The following GPR89B variants were observed in gnomAD, a reference collection of about 807,000 sequenced individuals.
GPR89B encodes golgi pH regulator B, also known as G protein-coupled receptor 89B.
GPR89B carries 25 observed loss-of-function variants against 52.4 expected under a neutral mutation model. That is an observed-to-expected ratio of 0.48 (90% CI 0.35 to 0.67). The LOEUF is 0.67. GPR89B is among the 30% of genes least tolerant of loss of function. The pLI is 0.01. For synonymous variants in GPR89B, 52 were observed against 151.2 expected, an observed-to-expected ratio of 0.34 and a Z score of 4.81; for missense variants, 146 against 450.2, an observed-to-expected ratio of 0.32 and a Z score of 6.11.
chr1:148,005,715 A>C, the GPR89B span, among the ~76,000 whole-genome samples: 1 of 152,104 alleles, frequency 6.6e-6, no homozygotes, highest in African/African-American at 2.4e-5. Context: ...ATTCTTGGCT[A>C]TTGCAGAGGG....
intron 5 of GPR89B, among the ~76,000 whole-genome samples, chr1:147,950,444 T>G (rs1272949461): frequency 1.4e-5 from 2 of 144,582 alleles, no homozygotes; most frequent in African/African-American, 5.3e-5. Flanking sequence ...CTCCTCACTT[T>G]CCAGACTGGG....
chr1:147,949,187 G>A (rs1487003230), intron 5 of GPR89B, among the ~76,000 whole-genome samples: 3 of 152,064 alleles, frequency 2.0e-5, no homozygotes, highest in Non-Finnish European at 4.4e-5. Context: ...GCAACCATCC[G>A]ATTTCTCAAT....
chr1:147,969,870 A>G lies in GPR89B; in HGVS notation c.820A>G (p.Arg274Gly), dbSNP rs1386375722. 81 of 1,451,366 alleles carry G rather than the reference A, an allele frequency of 5.6e-5. No homozygotes were observed. The highest frequency in any genetic ancestry group is 7.3e-5 in the Non-Finnish European group (79 of 1,078,222). 89.9% of individuals were successfully genotyped at this position (1,451,366 alleles called of 1,614,324 possible). Residue 274 changes from arginine (R) to glycine (G), a missense_variant, in exon 10 of 14, where the codon AGA (arginine) becomes GGA (glycine). Arg to Gly is a moderately radical substitution (Grantham distance 125). Coordinates refer to ENST00000314163, the MANE Select transcript of GPR89B (RefSeq NM_016334.5). ...TTTTGTGTTTGTTTTCCCCCAGGAGAGAATAGAATACTCCAAAACCTTCAA... is the reference window on the plus strand; with the variant it reads ...TTTTGTGTTTGTTTTCCCCCAGGAGGGAATAGAATACTCCAAAACCTTCAA... ...ETADLYATKE[R>G]IEYSKTFKGK...
At chr1:147,935,633 ACT>A (rs1488879066) in intron 1 of GPR89B, among the ~76,000 whole-genome samples, 1 of 151,750 alleles carries the variant, frequency 6.6e-6, no homozygotes, top group Non-Finnish European at 1.5e-5. Context: ...AGGTAAGAAA[ACT>A]CTCTGAAGGA....
At chr1:147,934,013 C>T (rs1378947971) in intron 1 of GPR89B, among the ~76,000 whole-genome samples, 1 of 151,146 alleles carries the variant, frequency 6.6e-6, no homozygotes, top group African/African-American at 2.4e-5. Flanking sequence ...CATTTTTAAC[C>T]TCTTCCTTCT....
At chr1:147,961,547 G>T (rs1656568601) in intron 7 of GPR89B, among the ~76,000 whole-genome samples, 1 of 152,214 alleles carries the variant, frequency 6.6e-6, no homozygotes, top group African/African-American at 2.4e-5. Context: ...TGGTGAATGC[G>T]CTTGACCAGC....
intron 1 of GPR89B, among the ~76,000 whole-genome samples, chr1:147,931,482 C>T (rs1162914450): frequency 1.3e-5 from 2 of 151,586 alleles, no homozygotes; most frequent in African/African-American, 4.8e-5. Flanking sequence ...TTGCATTTTG[C>T]TTCTGCTTTC....
At chr1:148,009,618 C>T in the GPR89B span, 1 of 1,234,754 alleles carries the variant, frequency 8.1e-7, no homozygotes. Context: ...AAAAAGGTAA[C>T]TTTAATAACC....
chr1:148,017,321 C>T, the GPR89B span, among the ~76,000 whole-genome samples: 7 of 151,180 alleles, frequency 4.6e-5, no homozygotes, highest in East Asian at 2.0e-4. Context: ...GGATTACAGG[C>T]GTGAGCCATT....
At chr1:147,950,420 G>C (rs1342373421) in intron 5 of GPR89B, among the ~76,000 whole-genome samples, 3 of 151,618 alleles carry the variant, frequency 2.0e-5, no homozygotes, top group African/African-American at 7.3e-5. Context: ...TGGTATGGCG[G>C]CCGGGCAGAG....
At chr1:147,942,132 TA>T (rs1449497427) in intron 3 of GPR89B, among the ~76,000 whole-genome samples, 3 of 151,900 alleles carry the variant, frequency 2.0e-5, no homozygotes, top group Non-Finnish European at 2.9e-5. Context: ...ATAATACAAT[TA>T]AAAAATGAAT....
At chr1:147,930,908 T>C (rs1653533376) in intron 1 of GPR89B, among the ~76,000 whole-genome samples, 1 of 152,160 alleles carries the variant, frequency 6.6e-6, no homozygotes, top group Non-Finnish European at 1.5e-5. Flanking sequence ...CTTTTCCTCA[T>C]ATCCCTCCCC....
At chr1:147,995,561 AAT>A, downstream of GPR89B, 1 of 1,598,166 alleles carries the variant, frequency 6.3e-7, no homozygotes, top group African/African-American at 1.3e-5. Flanking sequence ...TACTCTAGTA[AAT>A]TAGATCATGA....
rs11488332 is a variant in GPR89B, at chr1:147,942,110, C to T, written c.207-1328C>T. ...ATCTAGAATATATAAAGAATTCTTACAGTTTAATAATATAATACAATTAAA... is the reference window on the plus strand; with the variant it reads ...ATCTAGAATATATAAAGAATTCTTATAGTTTAATAATATAATACAATTAAA... On this transcript the variant is annotated intron_variant, in intron 3 of 13. Transcript: ENST00000314163. Among the ~76,000 whole-genome samples the T allele has an allele frequency of 1.2e-4, 18 of 152,080 alleles. No homozygotes were observed. The East Asian group carries it at 2.5e-3, about 21-fold the overall frequency.
intron 10 of GPR89B, among the ~76,000 whole-genome samples, chr1:147,971,848 A>C (rs1434973502): frequency 4.0e-5 from 6 of 151,720 alleles, no homozygotes; most frequent in Admixed American, 2.0e-4. Context: ...ATTTATGTAC[A>C]ACTGGGTACG....
chr1:147,938,228 G>GTT (rs1654264450), intron 2 of GPR89B, among the ~76,000 whole-genome samples: 1 of 152,054 alleles, frequency 6.6e-6, no homozygotes, highest in Admixed American at 6.6e-5. Flanking sequence ...GTCTACATTT[G>GTT]GGTCATTTCT....
chr1:147,998,546 C>G (rs1558075577), downstream of GPR89B, among the ~76,000 whole-genome samples: 1 of 152,098 alleles, frequency 6.6e-6, no homozygotes, highest in Non-Finnish European at 1.5e-5. Context: ...ATCTGACAGT[C>G]GCAGCTCATC....
the GPR89B span, among the ~76,000 whole-genome samples, chr1:148,019,165 T>TG: frequency 6.7e-6 from 1 of 149,316 alleles, no homozygotes; most frequent in Non-Finnish European, 1.5e-5. Context: ...TTAGTAGAGA[T>TG]GGGGTTTCAC....
chr1:148,020,160 AACTTTCCACAGGCTCAC>A, the GPR89B span, among the ~76,000 whole-genome samples: 2 of 143,856 alleles, frequency 1.4e-5, no homozygotes, highest in African/African-American at 5.4e-5. Context: ...GCGAGGCAAG[AACTTTCCACAGGCTCAC>A]ACTGGATACA....
Sources: allele counts gnomAD v4.1 joint callset (sites outside exome capture counted in the v4.1 genomes callset), GRCh38; gene constraint gnomAD v4.1.1; transcripts MANE v1.5; gene names NCBI Gene and HGNC (gene_info 2026-07-23, HGNC 2026-07-21).